The following HIGD1C variants were observed in gnomAD, a reference collection of about 807,000 sequenced individuals.
HIGD1C encodes HIG1 domain family member 1C.
Under a neutral mutation model 13.1 loss-of-function variants are expected in HIGD1C, and 11 were observed. The ratio of observed to expected loss-of-function variants is 0.84; its 90% CI spans 0.53 to 1.39. HIGD1C has a LOEUF of 1.39. Among genes scored for constraint, HIGD1C ranks in the 40% most tolerant of loss-of-function variants. The probability of loss-of-function intolerance (pLI) is 0.00; values close to 1 mark genes in which losing one functional copy is unlikely to be tolerated. For synonymous variants in HIGD1C, 36 were observed against 37.7 expected (o/e 0.95, Z 0.17); for missense variants, 110 against 112.0 (o/e 0.98, Z 0.08).
At chr12:50,952,811 A>C (rs1938947185), upstream of HIGD1C, among the ~76,000 whole-genome samples, 1 of 152,132 alleles carries the variant, frequency 6.6e-6, no homozygotes, top group Non-Finnish European at 1.5e-5. Context: ...GATGGCAAGA[A>C]TCCTGGCCTC....
At chr12:50,967,184 T>C (rs1939572797) in intron 2 of HIGD1C, among the ~76,000 whole-genome samples, 1 of 151,920 alleles carries the variant, frequency 6.6e-6, no homozygotes, top group African/African-American at 2.4e-5. Context: ...GGTGCAATCA[T>C]GGCTCACTGC....
At chr12:50,944,193 C>T in the HIGD1C span, among the ~76,000 whole-genome samples, 1 of 152,168 alleles carries the variant, frequency 6.6e-6, no homozygotes, top group African/African-American at 2.4e-5. Flanking sequence ...TCCTCCCAGG[C>T]TCTGCAACAA....
At chr12:50,961,175 TAGAAG>T in intron 2 of HIGD1C, 73 bp downstream of exon 4, 2 of 1,450,184 alleles carry the variant, frequency 1.4e-6, no homozygotes, top group Non-Finnish European at 1.9e-6. Flanking sequence ...TCATTCATAG[TAGAAG>T]ATGAATGTTG....
At chr12:50,932,416 TA>T in the HIGD1C span, 2 of 152,244 alleles carry the variant, frequency 1.3e-5, no homozygotes, top group Non-Finnish European at 2.9e-5. Context: ...GGAATTTTAA[TA>T]AATGTAGTAT....
chr12:50,935,819 C>T, the HIGD1C span, among the ~76,000 whole-genome samples: 1 of 152,064 alleles, frequency 6.6e-6, no homozygotes, highest in South Asian at 2.1e-4. Flanking sequence ...AAGTAAAAAG[C>T]ATGATAGTCT....
chr12:50,946,384 G>GA, the HIGD1C span, among the ~76,000 whole-genome samples: 3 of 152,110 alleles, frequency 2.0e-5, no homozygotes, highest in Non-Finnish European at 2.9e-5. Context: ...AAATTTACAA[G>GA]AAAAAATCAA....
chr12:50,961,695 A>C (rs185796673), intron 2 of HIGD1C, among the ~76,000 whole-genome samples: 1 of 152,356 alleles, frequency 6.6e-6, no homozygotes, highest in South Asian at 2.1e-4. Context: ...AGTTCTAACA[A>C]GAAGTCCATT....
At chr12:50,966,812 C>CTTT in intron 2 of HIGD1C, among the ~76,000 whole-genome samples, 1 of 152,008 alleles carries the variant, frequency 6.6e-6, no homozygotes, top group South Asian at 2.1e-4. Flanking sequence ...AATGGTTTAA[C>CTTT]ATAAGTGACT....
At chr12:50,936,725 G>T in the HIGD1C span, among the ~76,000 whole-genome samples, 1 of 152,158 alleles carries the variant, frequency 6.6e-6, no homozygotes, top group Non-Finnish European at 1.5e-5. Context: ...TCAATCCCTT[G>T]ACCCTTTCTT....
chr12:50,947,936 G>A, the HIGD1C span, among the ~76,000 whole-genome samples: 1 of 152,184 alleles, frequency 6.6e-6, no homozygotes, highest in South Asian at 2.1e-4. Flanking sequence ...GCAACAGAGT[G>A]AGACTCCGTC....
At chr12:50,949,146 G>A (rs988364226), upstream of HIGD1C, 3 of 152,544 alleles carry the variant, frequency 2.0e-5, no homozygotes, top group Non-Finnish European at 2.9e-5. Flanking sequence ...TGTAGATTTC[G>A]GATGCTTTCT....
chr12:50,948,028 G>A, the HIGD1C span, among the ~76,000 whole-genome samples: 1 of 152,104 alleles, frequency 6.6e-6, no homozygotes, highest in Non-Finnish European at 1.5e-5. Flanking sequence ...GACTACAAGG[G>A]AACAAAATAC....
At chr12:50,946,655 T>C in the HIGD1C span, among the ~76,000 whole-genome samples, 1 of 152,134 alleles carries the variant, frequency 6.6e-6, no homozygotes, top group Non-Finnish European at 1.5e-5. Flanking sequence ...AGTTCAACCA[T>C]TGTGGAAGAC....
the HIGD1C span, among the ~76,000 whole-genome samples, chr12:50,937,220 G>A: frequency 9.8e-5 from 15 of 152,290 alleles, no homozygotes; most frequent in East Asian, 9.6e-4. Context: ...TGGGCTTGCC[G>A]CAGGAGACAC....
upstream of HIGD1C, among the ~76,000 whole-genome samples, chr12:50,951,933 A>AG (rs1469840992): frequency 1.3e-5 from 2 of 151,574 alleles, no homozygotes; most frequent in African/African-American, 2.4e-5. Context: ...AAAAAAAAAA[A>AG]AAAAGAAAAA....
At chr12:50,954,060 G>A in exon 1 of HIGD1C, 9 of 1,612,928 alleles carry the variant, frequency 5.6e-6, no homozygotes, top group Non-Finnish European at 6.8e-6. Context: ...CGACTAATCA[G>A]GAAATCTAGA....
At chr12:50,968,119 G>A (rs1197646857) in intron 2 of HIGD1C, among the ~76,000 whole-genome samples, 2 of 152,044 alleles carry the variant, frequency 1.3e-5, no homozygotes, top group Non-Finnish European at 1.5e-5. Context: ...AGGAGGAGGA[G>A]GAGGAGGAGA....
the HIGD1C span, among the ~76,000 whole-genome samples, chr12:50,948,859 AGGAGGAGG>A: frequency 3.5e-5 from 1 of 28,888 alleles, no homozygotes; most frequent in Non-Finnish European, 5.9e-5. Flanking sequence ...CGACAGAGCG[AGGAGGAGG>A]GGGGAGGGGA....
chr12:50,943,023 G>C, the HIGD1C span, among the ~76,000 whole-genome samples: 7 of 151,492 alleles, frequency 4.6e-5, no homozygotes, highest in African/African-American at 1.7e-4. Flanking sequence ...CTGCCACCAC[G>C]CCCAGCTAAT....
Sources: allele counts gnomAD v4.1 joint callset (sites outside exome capture counted in the v4.1 genomes callset), GRCh38; gene constraint gnomAD v4.1.1; transcripts MANE v1.5; gene names NCBI Gene and HGNC (gene_info 2026-07-23, HGNC 2026-07-21).